Variants in POGLUT3 observed in about 807,000 individuals in gnomAD.
POGLUT3 encodes the protein KDEL (Lys-Asp-Glu-Leu) containing 2.
In POGLUT3, 48 loss-of-function variants were observed where a neutral mutation model predicts 54.3. The observed-to-expected ratio is 0.88, with a 90% confidence interval of 0.70 to 1.12. The LOEUF (loss-of-function observed/expected upper bound fraction) is 1.12, where lower values mean the gene tolerates loss of function less well. POGLUT3 is among the 50% of genes most tolerant of loss of function. The probability of loss-of-function intolerance (pLI) is 0.00; values close to 1 mark genes in which losing one functional copy is unlikely to be tolerated. For synonymous variants in POGLUT3, 218 were observed against 237.4 expected, an observed-to-expected ratio of 0.92 and a Z score of 0.75; for missense variants, 629 against 618.7, an observed-to-expected ratio of 1.02 and a Z score of -0.18.
intron 1 of POGLUT3, among the ~76,000 whole-genome samples, chr11:108,495,603 T>C (rs2093620896): frequency 6.6e-6 from 1 of 152,128 alleles, no homozygotes; most frequent in South Asian, 2.1e-4. Context: ...TCAAGAGGCC[T>C]GAAAGGAAAC....
intron 2 of POGLUT3, 133 bp from the exon 3 acceptor site, chr11:108,486,573 G>T: frequency 2.3e-6 from 2 of 871,690 alleles, no homozygotes; most frequent in Non-Finnish European, 3.4e-6. Context: ...AATCAGTGGT[G>T]TAAGTGATTA....
At chr11:108,496,317 TAA>T (rs879281708) in intron 1 of POGLUT3, among the ~76,000 whole-genome samples, 7 of 142,770 alleles carry the variant, frequency 4.9e-5, no homozygotes, top group East Asian at 2.0e-4. Flanking sequence ...CCTTGTCTCT[TAA>T]AAAAAAAAAA....
chr11:108,490,898 A>T, intron 2 of POGLUT3, 72 bp downstream of exon 2: 1 of 1,107,044 alleles, frequency 9.0e-7, no homozygotes, highest in Non-Finnish European at 1.4e-6. Context: ...TGAGGTCATC[A>T]GGTTTAGGCC....
chr11:108,487,891 C>T (rs1240703491), intron 2 of POGLUT3, among the ~76,000 whole-genome samples: 2 of 151,868 alleles, frequency 1.3e-5, no homozygotes, highest in South Asian at 4.2e-4. Flanking sequence ...GGATTACAGG[C>T]GTGAGCCACC....
chr11:108,489,174 G>A (rs117087234), intron 2 of POGLUT3, among the ~76,000 whole-genome samples: 6 of 152,140 alleles, frequency 3.9e-5, no homozygotes, highest in South Asian at 2.1e-4. Flanking sequence ...GAAACTATAC[G>A]AAATGAAACA....
At chr11:108,482,272 GGTACTAA>G (rs778490684) in intron 3 of POGLUT3, 50 bp from the exon 4 acceptor site, 1 of 1,316,662 alleles carries the variant, frequency 7.6e-7, no homozygotes, top group Non-Finnish European at 1.1e-6. Context: ...CTCAGTCTTT[GGTACTAA>G]GTACAACAGT....
rs979019096 is a variant in POGLUT3, at chr11:108,473,731, T to C, written c.*1096A>G. On this transcript the variant is annotated 3_prime_UTR_variant, in exon 8 of 8. Coordinates refer to ENST00000323468, the MANE Select transcript of POGLUT3 (RefSeq NM_153705.5). ...CCTGACTACAGTTATCTTTCACCTA[T>C]TCAATATAGAGATAATGAATGATGC... 1 of 152,216 alleles carries C rather than the reference T, an allele frequency of 6.6e-6. No individual in the cohort carries two copies. Among genetic ancestry groups the C allele is most frequent in the Admixed American group, 6.5e-5 (1 of 15,284 alleles). 9.4% of individuals were successfully genotyped at this position (152,216 alleles called of 1,614,324 possible). A position where few individuals can be genotyped will look rare whatever the true frequency, so the allele number is the denominator to read the frequency against.
At chr11:108,488,434 G>A (rs4754317) in intron 2 of POGLUT3, among the ~76,000 whole-genome samples, 23,593 of 152,144 alleles carry the variant, frequency 0.16, 2,005 homozygotes, top group African/African-American at 0.18. Context: ...TACTGCTTAA[G>A]GGAGCTTTGA....
chr11:108,484,732 G>A (rs1272071388), intron 3 of POGLUT3, among the ~76,000 whole-genome samples: 1 of 152,104 alleles, frequency 6.6e-6, no homozygotes, highest in African/African-American at 2.4e-5. Context: ...CTCCAGCCAG[G>A]GTGGCAGAGT....
chr11:108,498,210 G>A lies in POGLUT3; in HGVS notation c.157C>T (p.Gln53Ter). 1 of 1,521,430 alleles carries A rather than the reference G, an allele frequency of 6.6e-7. No individual in the cohort carries two copies. Among genetic ancestry groups the A allele is most frequent in the Non-Finnish European group, 8.8e-7 (1 of 1,136,470 alleles). The allele number at this position is 1,521,430 out of a possible 1,614,324, so 94.2% of individuals were successfully genotyped here. Residue 53 changes from glutamine (Q) to a stop codon, truncating the protein, a stop_gained, in exon 1 of 8, where the codon CAG becomes TAG. Coordinates refer to ENST00000323468, the MANE Select transcript of POGLUT3 (RefSeq NM_153705.5). LOFTEE classifies it high-confidence loss of function. ...VVLPVRYFYL[Q>*]AVNSEGQNLT... ...TTCTGGCCCTCCGAGTTGACCGCCT[G>A]CAGGTAGAAATAGCGGACCGGCAGG...
At chr11:108,477,921 A>G (rs2093585191) in intron 6 of POGLUT3, 1 of 550,004 alleles carries the variant, frequency 1.8e-6, no homozygotes, top group Admixed American at 3.4e-5. Flanking sequence ...GCCCAAAGCT[A>G]GAAGATCACT....
chr11:108,486,411 G>C lies in POGLUT3; in HGVS notation c.430C>G (p.Pro144Ala). Residue 144 changes from proline (P) to alanine (A), a missense_variant, in exon 3 of 8, where the codon CCG (proline) becomes GCG (alanine). Coordinates refer to ENST00000323468, the MANE Select transcript of POGLUT3 (RefSeq NM_153705.5). ...TTCTGCCAGGCCTGAGGATCTTCCG[G>C]ACACTCACAGTACTCATGGTACACT... ...GPVYHEYCEC[P>A]EDPQAWQKTL... The C allele has an allele frequency of 6.2e-7, 1 of 1,614,066 alleles. No individual in the cohort carries two copies. Among genetic ancestry groups the C allele is most frequent in the Non-Finnish European group, 8.5e-7 (1 of 1,180,020 alleles).
In POGLUT3 at chr11:108,498,325, G is replaced by A. The variant is rs757719704; in HGVS notation, c.42C>T (p.Leu14=). Residue 14 remains leucine, a synonymous_variant, in exon 1 of 8, where the codon CTC becomes CTT. Coordinates refer to ENST00000323468, the MANE Select transcript of POGLUT3 (RefSeq NM_153705.5). ...GGGCCCCCGCGGCCACCAGCAGGGC[G>A]AGGCGCAGCTGCAGCAGCAGGGCCC... ...LPRALLLQLR[L]ALLVAAGAPE... The A allele has an allele frequency of 1.6e-5, 23 of 1,407,006 alleles. No homozygotes were observed. The African/African-American group carries it at 3.3e-4, about 20-fold the overall frequency. The allele number at this position is 1,407,006 out of a possible 1,614,324, so 87.2% of individuals were successfully genotyped here.
chr11:108,479,465 C>T lies in POGLUT3; in HGVS notation c.1129G>A (p.Val377Met), dbSNP rs531322305. 2.6e-5 allele frequency: 42 copies of T among 1,601,266 alleles called. No homozygotes were observed. In the East Asian group the frequency reaches 2.9e-4, roughly 11 times the overall value. The change falls in exon 6 of 8, where the codon GTG becomes ATG. Residue 377 changes from valine (V) to methionine (M), a missense_variant. Physicochemically the swap from Val to Met is conservative, Grantham distance 21. Transcript: ENST00000323468. ...YKYQVNVDGT[V>M]AAYRYPYLML... ...AGATATGGATATCTGTAAGCAGCCACGGTCCCATCCACATTTACTTGATAC... is the reference window on the plus strand; with the variant it reads ...AGATATGGATATCTGTAAGCAGCCATGGTCCCATCCACATTTACTTGATAC...
intron 7 of POGLUT3, among the ~76,000 whole-genome samples, chr11:108,476,133 T>C (rs1269004258): frequency 6.6e-6 from 1 of 151,990 alleles, no homozygotes; most frequent in Non-Finnish European, 1.5e-5. Flanking sequence ...GGTGACCGAG[T>C]AAGAAATATA....
intron 7 of POGLUT3, among the ~76,000 whole-genome samples, chr11:108,477,297 G>C (rs937806785): frequency 6.6e-6 from 1 of 152,064 alleles, no homozygotes; most frequent in African/African-American, 2.4e-5. Flanking sequence ...AGCTACTTGG[G>C]AGTCTGAGGC....
At chr11:108,475,070 T>A in intron 7 of POGLUT3, 118 bp from the exon 8 acceptor site, 1 of 1,060,108 alleles carries the variant, frequency 9.4e-7, no homozygotes, top group Non-Finnish European at 1.4e-6. Context: ...GTCTGCAGAC[T>A]AAAACCAAAG....
chr11:108,488,949 G>C (rs528502739), intron 2 of POGLUT3, among the ~76,000 whole-genome samples: 37 of 152,082 alleles, frequency 2.4e-4, no homozygotes, highest in African/African-American at 7.7e-4. Context: ...TCAGTAGCGG[G>C]GAATAATTAG....
rs1415990164 is a variant in POGLUT3 at position 108,498,180 on chromosome 11, T to C, written c.187A>G (p.Thr63Ala). 7 of 1,516,252 alleles carry C rather than the reference T, an allele frequency of 4.6e-6. No individual in the cohort carries two copies. Among genetic ancestry groups the C allele is most frequent in the South Asian group, 1.2e-5 (1 of 80,710 alleles). 93.9% of individuals were successfully genotyped at this position (1,516,252 alleles called of 1,614,324 possible). The change falls in exon 1 of 8, where the codon ACT becomes GCT. Residue 63 changes from threonine (T) to alanine (A), a missense_variant. Transcript: ENST00000323468. The part of the protein sequence containing the change: ...QAVNSEGQNL[T>A]RSPAGETPFK... ...TGGACACTACCTGCGGGAGAGCGAG[T>C]GAGGTTCTGGCCCTCCGAGTTGACC...
Sources: allele counts gnomAD v4.1 joint callset (sites outside exome capture counted in the v4.1 genomes callset), GRCh38; gene constraint gnomAD v4.1.1; transcripts MANE v1.5; gene names NCBI Gene and HGNC (gene_info 2026-07-23, HGNC 2026-07-21).